The following ETV6 variants were observed in gnomAD, a reference collection of about 807,000 sequenced individuals.
ETV6 encodes the protein ETS variant transcription factor 6.
In ETV6, 16 loss-of-function variants were observed where a neutral mutation model predicts 51.1. The ratio of observed to expected loss-of-function variants is 0.31; its 90% CI spans 0.21 to 0.48. The LOEUF (loss-of-function observed/expected upper bound fraction) is 0.48. Among genes scored for constraint, ETV6 ranks in the 20% least tolerant of loss-of-function variants. The pLI is 0.99. For synonymous variants in ETV6, 240 were observed against 224.1 expected, an observed-to-expected ratio of 1.07 and a Z score of -0.64; for missense variants, 458 against 594.8, an observed-to-expected ratio of 0.77 and a Z score of 2.39.
At chr12:11,855,243 TTG>T in intron 4 of ETV6, among the ~76,000 whole-genome samples, 1 of 152,044 alleles carries the variant, frequency 6.6e-6, no homozygotes, top group Admixed American at 6.5e-5. Flanking sequence ...GAGGTGGAGA[TTG>T]CAGTGAGCTG....
intron 5 of ETV6, among the ~76,000 whole-genome samples, chr12:11,880,524 G>C (rs904775390): frequency 6.6e-6 from 1 of 152,148 alleles, no homozygotes; most frequent in Non-Finnish European, 1.5e-5. Flanking sequence ...AAATGGTCTG[G>C]TTCACGTTTC....
chr12:11,865,323 T>C (rs940319948), intron 4 of ETV6, among the ~76,000 whole-genome samples: 4 of 151,568 alleles, frequency 2.6e-5, no homozygotes, highest in Non-Finnish European at 4.4e-5. Flanking sequence ...AGAACCATCA[T>C]ATCACTTGAA....
chr12:11,756,631 C>T (rs1342072330), intron 2 of ETV6, among the ~76,000 whole-genome samples: 2 of 152,132 alleles, frequency 1.3e-5, no homozygotes, highest in African/African-American at 4.8e-5. Flanking sequence ...ATACCTTTGC[C>T]CAGTTCTCAC....
intron 1 of ETV6, among the ~76,000 whole-genome samples, chr12:11,652,901 TC>T (rs1863933028): frequency 6.6e-6 from 1 of 152,178 alleles, no homozygotes; most frequent in Non-Finnish European, 1.5e-5. Flanking sequence ...GTAAGTTTGC[TC>T]CCATCGCCTG....
intron 2 of ETV6, among the ~76,000 whole-genome samples, chr12:11,790,251 T>C (rs1945561627): frequency 6.6e-6 from 1 of 152,182 alleles, no homozygotes; most frequent in African/African-American, 2.4e-5. Flanking sequence ...TTGTCTGTTT[T>C]CCCCACGTTG....
At chr12:11,774,752 C>T (rs943680012) in intron 2 of ETV6, among the ~76,000 whole-genome samples, 1 of 152,224 alleles carries the variant, frequency 6.6e-6, no homozygotes, top group African/African-American at 2.4e-5. Context: ...TGCACGCCAG[C>T]CACGGTACTG....
At chr12:11,657,171 G>A (rs1864014908) in intron 1 of ETV6, among the ~76,000 whole-genome samples, 1 of 151,794 alleles carries the variant, frequency 6.6e-6, no homozygotes, top group Admixed American at 6.6e-5. Context: ...TAATATGAGG[G>A]GATTCAGAGA....
chr12:11,698,635 A>G (rs934183642), intron 1 of ETV6, among the ~76,000 whole-genome samples: 3 of 152,166 alleles, frequency 2.0e-5, no homozygotes, highest in African/African-American at 7.2e-5. Context: ...GTTTTCCTGT[A>G]GCTCATATTT....
In ETV6 at chr12:11,842,033, G is replaced by C. The variant is rs1261341541; in HGVS notation, c.328+2729G>C. On this transcript the variant is annotated intron_variant, in intron 3 of 7. Coordinates refer to ENST00000396373, the MANE Select transcript of ETV6 (RefSeq NM_001987.5). ...GGAGGCGGAGCTTGCAGTGAGCCGA[G>C]ATCCCGCCACTGCACTCCAGCCTGG... Among the ~76,000 whole-genome samples, 4 of 144,848 alleles carry C rather than the reference G, an allele frequency of 2.8e-5. No homozygotes were observed. The East Asian group carries it at 8.1e-4, about 29-fold the overall frequency.
chr12:11,662,911 G>A (rs1157016156), intron 1 of ETV6, among the ~76,000 whole-genome samples: 1 of 152,220 alleles, frequency 6.6e-6, no homozygotes, highest in African/African-American at 2.4e-5. Flanking sequence ...GTGTGGACAA[G>A]ATTGTGCTTC....
intron 2 of ETV6, among the ~76,000 whole-genome samples, chr12:11,765,709 C>T (rs1945152146): frequency 1.3e-5 from 2 of 151,228 alleles, no homozygotes; most frequent in Non-Finnish European, 1.5e-5. Flanking sequence ...AGTGGGAAAG[C>T]GTGCATGGGG....
chr12:11,662,082 C>T (rs1864110673), intron 1 of ETV6, among the ~76,000 whole-genome samples: 1 of 152,114 alleles, frequency 6.6e-6, no homozygotes, highest in African/African-American at 2.4e-5. Context: ...TGGTAGTACA[C>T]CTGTCTTGCA....
At chr12:11,853,985 A>G (rs575144806) in intron 4 of ETV6, among the ~76,000 whole-genome samples, 1 of 152,302 alleles carries the variant, frequency 6.6e-6, no homozygotes, top group African/African-American at 2.4e-5. Flanking sequence ...ATTCAAGTGC[A>G]TTACATTTAT....
chr12:11,708,875 A>T (rs548688643), intron 1 of ETV6, among the ~76,000 whole-genome samples: 1 of 152,362 alleles, frequency 6.6e-6, no homozygotes, highest in African/African-American at 2.4e-5. Context: ...AAAGATGTGT[A>T]AGAAACTGTC....
intron 4 of ETV6, among the ~76,000 whole-genome samples, chr12:11,857,204 C>G (rs1285819994): frequency 1.3e-5 from 2 of 152,246 alleles, no homozygotes; most frequent in Non-Finnish European, 2.9e-5. Context: ...CTTGCTCAAT[C>G]TAGCACCAGT....
intron 2 of ETV6, among the ~76,000 whole-genome samples, chr12:11,828,929 C>G (rs1388357087): frequency 6.6e-6 from 1 of 152,122 alleles, no homozygotes; most frequent in African/African-American, 2.4e-5. Context: ...AAAGGTACCC[C>G]TTAAATTTTG....
intron 2 of ETV6, among the ~76,000 whole-genome samples, chr12:11,795,454 A>G (rs564959775): frequency 4.6e-5 from 7 of 152,392 alleles, no homozygotes; most frequent in African/African-American, 1.4e-4. Flanking sequence ...GGCACCCTCC[A>G]AGGAAACCAG....
chr12:11,739,222 A>T (rs1207639197), intron 1 of ETV6, among the ~76,000 whole-genome samples: 1 of 152,166 alleles, frequency 6.6e-6, no homozygotes, highest in Non-Finnish European at 1.5e-5. Context: ...AGGGGCCTCT[A>T]GTATGAGGGA....
chr12:11,858,172 A>C (rs1381404491), intron 4 of ETV6, among the ~76,000 whole-genome samples: 1 of 152,178 alleles, frequency 6.6e-6, no homozygotes, highest in Non-Finnish European at 1.5e-5. Flanking sequence ...GACTCATTTT[A>C]TCTTTGTAAT....
Sources: gnomAD v4.1 joint callset for allele counts (sites outside exome capture counted in the v4.1 genomes callset) on GRCh38, gnomAD v4.1.1 for gene constraint, MANE v1.5 for transcripts, NCBI Gene and HGNC (gene_info 2026-07-23, HGNC 2026-07-21) for gene names.